Variants in UST observed in about 807,000 individuals in gnomAD.
UST encodes the protein chondroitin sulfate 2-O-sulfotransferase.
A neutral mutation model predicts 45.6 loss-of-function variants in UST; 21 were observed. That is an observed-to-expected ratio of 0.46 (90% CI 0.33 to 0.66). The LOEUF (loss-of-function observed/expected upper bound fraction) is 0.66. Ranked by LOEUF, UST falls within the 30% of genes least tolerant of loss-of-function variation. UST has a pLI of 0.02. For missense variants in UST, 463 were observed against 512.4 expected, an observed-to-expected ratio of 0.90 and a Z score of 0.93; for synonymous variants, 215 against 200.6, an observed-to-expected ratio of 1.07 and a Z score of -0.61.
intron 7 of UST, among the ~76,000 whole-genome samples, chr6:149,067,839 G>A (rs190215052): frequency 9.9e-5 from 15 of 152,244 alleles, no homozygotes; most frequent in African/African-American, 2.4e-4. Context: ...GTCGTTTTCC[G>A]AACATGGTAA....
chr6:148,759,250 G>C (rs945277794), intron 1 of UST, among the ~76,000 whole-genome samples: 1 of 152,192 alleles, frequency 6.6e-6, no homozygotes, highest in African/African-American at 2.4e-5. Flanking sequence ...TTTTAAAAAA[G>C]TCCCTGAGCT....
intron 6 of UST, 37 bp downstream of exon 6, chr6:149,019,273 CACA>C (rs763077468): frequency 1.3e-6 from 2 of 1,535,312 alleles, no homozygotes; most frequent in Non-Finnish European, 1.8e-6. Flanking sequence ...TGCACGTACG[CACA>C]ACAAGGGCAA....
At position 148,941,417 on chromosome 6, in the gene UST, C is replaced by T; in HGVS notation, c.430C>T (p.Leu144Phe). ...ATCAGACATTCACAACAAAACCAGG[C>T]TTACTAAAAATGAACAAGTAAGTTG... ...VTSDIHNKTR[L>F]TKNEQMELIK... is the part of the protein sequence containing the mutation. The change falls in exon 3 of 8, where the codon CTT becomes TTT. Residue 144 changes from leucine to phenylalanine, a missense_variant. Coordinates refer to ENST00000367463, the MANE Select transcript of UST (RefSeq NM_005715.3). 1 of 1,588,556 alleles carries T rather than the reference C, an allele frequency of 6.3e-7. No homozygotes were observed. Among genetic ancestry groups the T allele is most frequent in the Non-Finnish European group, 8.5e-7 (1 of 1,173,522 alleles).
chr6:148,768,493 ATTCTT>A (rs1374543336), intron 1 of UST, among the ~76,000 whole-genome samples: 2 of 152,094 alleles, frequency 1.3e-5, no homozygotes, highest in African/African-American at 4.8e-5. Context: ...CCCATTTATT[ATTCTT>A]TTCTTTGCTT....
At chr6:148,764,654 C>G (rs915385422) in intron 1 of UST, among the ~76,000 whole-genome samples, 1 of 152,128 alleles carries the variant, frequency 6.6e-6, no homozygotes, top group African/African-American at 2.4e-5. Flanking sequence ...ATGATGCCCC[C>G]TGAGCTGTAA....
At chr6:148,827,584 C>T (rs1286927794) in intron 1 of UST, among the ~76,000 whole-genome samples, 3 of 151,650 alleles carry the variant, frequency 2.0e-5, no homozygotes, top group Admixed American at 6.6e-5. Flanking sequence ...CCACTGCACT[C>T]CAGCTCGGAC....
chr6:148,838,742 A>C (rs970620074), intron 1 of UST, among the ~76,000 whole-genome samples: 6 of 152,028 alleles, frequency 3.9e-5, no homozygotes, highest in Non-Finnish European at 8.8e-5. Flanking sequence ...CTGTCTCTAC[A>C]GAATTTTTTT....
Position 148,768,523 on chromosome 6 carries a change from G to T in UST, c.247+20846G>T, listed in dbSNP as rs552240020. ...TTTCTTTGCTTTTAGGCTTAGAAAA[G>T]ACTTATATCCCATCAGATACAAATT... On this transcript the variant is annotated intron_variant, in intron 1 of 7. Coordinates refer to ENST00000367463, the MANE Select transcript of UST (RefSeq NM_005715.3). 1.2e-3 allele frequency among the ~76,000 whole-genome samples: 175 copies of T among 152,034 alleles called. 1 individual carries two copies. The highest frequency in any genetic ancestry group is 2.9e-4 in the Non-Finnish European group (20 of 67,984).
intron 1 of UST, among the ~76,000 whole-genome samples, chr6:148,770,325 G>C (rs1190698172): frequency 6.7e-6 from 1 of 150,278 alleles, no homozygotes; most frequent in Non-Finnish European, 1.5e-5. Flanking sequence ...TAAAGATGTG[G>C]GAAAAGGGCA....
chr6:148,748,859 C>T lies in UST; in HGVS notation c.247+1182C>T, dbSNP rs1279092703. 1.3e-5 allele frequency among the ~76,000 whole-genome samples: 2 copies of T among 151,668 alleles called. No individual in the cohort carries two copies. The highest frequency in any genetic ancestry group is 4.9e-5 in the African/African-American group (2 of 41,236). On this transcript the variant is annotated intron_variant, in intron 1 of 7. Coordinates refer to ENST00000367463, the MANE Select transcript of UST (RefSeq NM_005715.3). This position sits in a 1 kb window ranked among gnomAD's most constrained non-coding sequence, Gnocchi z 5.3. ...TGGAGGCTGCCACAGTTACCCCAAA[C>T]GTCACTTCGTGGCAGAAGCCACAGG... is the stretch of plus-strand genomic sequence containing the variant.
intron 5 of UST, among the ~76,000 whole-genome samples, chr6:148,967,801 T>C (rs1780831337): frequency 6.6e-6 from 1 of 152,242 alleles, no homozygotes; most frequent in South Asian, 2.1e-4. Flanking sequence ...CTTTATCCCA[T>C]TGCCAAAATT....
intron 1 of UST, among the ~76,000 whole-genome samples, chr6:148,833,528 A>G (rs547776420): frequency 3.9e-4 from 60 of 152,208 alleles, no homozygotes; most frequent in Non-Finnish European, 6.8e-4. Context: ...TGTGGAACCT[A>G]TAGAAAGAAA....
Position 149,043,400 on chromosome 6 carries a change from G to A in UST, c.937+21919G>A, listed in dbSNP as rs543537000. On this transcript the variant is annotated intron_variant, in intron 7 of 7. Transcript: ENST00000367463. ...TGTTAGCATAACAGGTGTGAACCAC[G>A]ACACCTGGCTGCCATCCAGTTTATC... Among the ~76,000 whole-genome samples the A allele has an allele frequency of 2.1e-4, 32 of 152,216 alleles. No individual in the cohort carries two copies. The South Asian group carries it at 4.6e-3, about 22-fold the overall frequency.
chr6:148,787,611 G>A (rs759536152), intron 1 of UST, among the ~76,000 whole-genome samples: 5 of 152,300 alleles, frequency 3.3e-5, no homozygotes, highest in Middle Eastern at 3.4e-3. Context: ...ATAGTTTGAA[G>A]TCGGGTAGCA....
intron 1 of UST, among the ~76,000 whole-genome samples, chr6:148,880,897 T>C (rs1469132882): frequency 1.3e-5 from 2 of 151,804 alleles, no homozygotes; most frequent in Non-Finnish European, 1.5e-5. Context: ...GGTGTGGTGG[T>C]GGGCGCCTGT....
intron 1 of UST, among the ~76,000 whole-genome samples, chr6:148,859,018 A>T (rs1778257418): frequency 6.6e-6 from 1 of 152,316 alleles, no homozygotes; most frequent in African/African-American, 2.4e-5. Context: ...ATACCCAGTA[A>T]TGGGATGGCT....
In UST at chr6:148,747,613, C is replaced by G. The variant is rs779498298; in HGVS notation, c.183C>G (p.Gly61=). The part of the protein sequence containing the change: ...CMATLLVFCL[G]SLLYQLSGGP... ...CCACCCTGCTGGTCTTCTGCCTGGG[C>G]TCCCTCCTCTATCAGCTCAGCGGGG... The change falls in exon 1 of 8, where the codon GGC becomes GGG. Residue 61 remains glycine (G), a synonymous_variant. Transcript: ENST00000367463. 7 of 1,602,756 alleles carry G rather than the reference C, an allele frequency of 4.4e-6. No individual in the cohort carries two copies. Among genetic ancestry groups the G allele is most frequent in the Non-Finnish European group, 6.0e-6 (7 of 1,175,948 alleles).
intron 2 of UST, among the ~76,000 whole-genome samples, chr6:148,889,509 C>G (rs1457597427): frequency 1.3e-5 from 2 of 152,032 alleles, no homozygotes; most frequent in African/African-American, 4.8e-5. Flanking sequence ...CTTTTTCTCC[C>G]AGGTAGGGAG....
intron 1 of UST, among the ~76,000 whole-genome samples, chr6:148,801,687 T>C (rs978513924): frequency 5.9e-5 from 9 of 152,158 alleles, no homozygotes; most frequent in African/African-American, 2.2e-4. Context: ...CTCATCCTCC[T>C]GGGGCTTCCT....
Sources: allele counts gnomAD v4.1 joint callset (sites outside exome capture counted in the v4.1 genomes callset), GRCh38; gene constraint gnomAD v4.1.1; non-coding constraint Gnocchi (gnomAD v3.1); transcripts MANE v1.5; gene names NCBI Gene and HGNC (gene_info 2026-07-23, HGNC 2026-07-21).